Variants in KIRREL3 observed in about 807,000 individuals in gnomAD.
KIRREL3 encodes kirre like nephrin family adhesion molecule 3.
KIRREL3 carries 36 observed loss-of-function variants against 89.7 expected under a neutral mutation model. The ratio of observed to expected loss-of-function variants is 0.40; its 90% CI spans 0.31 to 0.53. The LOEUF is 0.53. Among genes scored for constraint, KIRREL3 ranks in the 20% least tolerant of loss-of-function variants. The pLI is 0.49. For missense variants in KIRREL3, 864 were observed against 1,056.6 expected (o/e 0.82, Z 2.53); for synonymous variants, 445 against 441.4 (o/e 1.01, Z -0.10).
rs113665628 is a variant in KIRREL3 at position 126,822,940 on chromosome 11, C to G, written c.55+177515G>C. 8.2e-3 allele frequency among the ~76,000 whole-genome samples: 1,252 copies of G among 152,262 alleles called. 6 individuals are homozygous for G. The highest frequency in any genetic ancestry group is 0.028 in the African/African-American group (1,158 of 41,534). On this transcript the variant is annotated intron_variant, in intron 1 of 16. Transcript: ENST00000525144. ...CTATAGGTCAAAGCAGTCAGGTATA[C>G]CATATGGATTCAATGGGATCCAATG...
At position 126,727,477 on chromosome 11, in the gene KIRREL3, G is replaced by A. The variant is rs114387115; in HGVS notation, c.56-164565C>T. ...GCTTAGGCTGAATCTCAACTTGGAG[G>A]ACTTGGTGTCCATGGTAAGTCTGGA... On this transcript the variant is annotated intron_variant, in intron 1 of 16. Coordinates refer to ENST00000525144, the MANE Select transcript of KIRREL3 (RefSeq NM_032531.4). 2.6e-3 allele frequency among the ~76,000 whole-genome samples: 395 copies of A among 152,368 alleles called. 2 individuals carry two copies. Among genetic ancestry groups the A allele is most frequent in the African/African-American group, 9.0e-3 (374 of 41,590 alleles).
At chr11:126,971,462 G>T (rs1295226599) in intron 1 of KIRREL3, among the ~76,000 whole-genome samples, 2 of 152,284 alleles carry the variant, frequency 1.3e-5, no homozygotes, top group East Asian at 1.9e-4. Context: ...TCTGTTCGGG[G>T]TGTTGTCTTC....
Position 126,954,179 on chromosome 11 carries a change from T to C in KIRREL3, c.55+46276A>G, listed in dbSNP as rs148229364. 8.4e-4 allele frequency among the ~76,000 whole-genome samples: 128 copies of C among 151,882 alleles called. No homozygotes were observed. The highest frequency in any genetic ancestry group is 4.1e-3 in the Admixed American group (62 of 15,236). ...ATTGAGGTATTGAGGTCATCACTTA[T>C]AGGTAAGTACTGGAGGATGTAGCGT... On this transcript the variant is annotated intron_variant, in intron 1 of 16. Transcript: ENST00000525144. The surrounding 1 kb of genome is among the most constrained non-coding windows in gnomAD (Gnocchi z 4.1).
intron 1 of KIRREL3, among the ~76,000 whole-genome samples, chr11:126,663,300 C>T (rs1030603154): frequency 6.7e-6 from 1 of 149,818 alleles, no homozygotes; most frequent in African/African-American, 2.5e-5. Context: ...ATTCTCCTGC[C>T]TCAGCCTCCT....
chr11:126,445,126 A>T (rs369504725), intron 9 of KIRREL3, 21 bp from the exon 10 acceptor site: 3 of 1,612,814 alleles, frequency 1.9e-6, no homozygotes, highest in Non-Finnish European at 2.5e-6. Flanking sequence ...TGGCAGGCTC[A>T]GATGCCAAGA....
rs1031662175 is a variant in KIRREL3 at position 126,639,216 on chromosome 11, A to G, written c.56-76304T>C. Among the ~76,000 whole-genome samples the G allele has an allele frequency of 2.0e-5, 3 of 152,204 alleles. No homozygotes were observed. Among genetic ancestry groups the G allele is most frequent in the African/African-American group, 7.2e-5 (3 of 41,444 alleles). On this transcript the variant is annotated intron_variant, in intron 1 of 16. Transcript: ENST00000525144. This position sits in a 1 kb window ranked among gnomAD's most constrained non-coding sequence, Gnocchi z 4.3. ...ACCTGTCAGATGAGATTTGCCTTCAAAGGCCACTGGCTCTGACCTTTTGAT... is the reference window on the plus strand; with the variant it reads ...ACCTGTCAGATGAGATTTGCCTTCAGAGGCCACTGGCTCTGACCTTTTGAT...
chr11:126,777,908 T>G (rs1247823921), intron 1 of KIRREL3, among the ~76,000 whole-genome samples: 2 of 152,176 alleles, frequency 1.3e-5, no homozygotes, highest in Non-Finnish European at 2.9e-5. Context: ...ATAGAAATAC[T>G]GAGTCCATTG....
At position 126,449,148 on chromosome 11, in the gene KIRREL3, C is replaced by T; in HGVS notation, c.858G>A (p.Lys286=). 6.2e-7 allele frequency: 1 copy of T among 1,613,890 alleles called. No homozygotes were observed. The highest frequency in any genetic ancestry group is 1.1e-5 in the South Asian group (1 of 91,080). ...NPAVTQYRWA[K]RGQIIKEASG... is the part of the protein sequence containing the mutation. ...ATGCCTCCTTGATGATCTGGCCCCGCTTGGCCCACCTGCAACAAAGGCCAG... is the reference window on the plus strand; with the variant it reads ...ATGCCTCCTTGATGATCTGGCCCCGTTTGGCCCACCTGCAACAAAGGCCAG... Residue 286 remains lysine (K), a synonymous_variant, in exon 8 of 17, where the codon AAG becomes AAA. Coordinates refer to ENST00000525144, the MANE Select transcript of KIRREL3 (RefSeq NM_032531.4).
rs534680233 is a variant in KIRREL3, at chr11:126,771,168, C to T, written c.56-208256G>A. 6.6e-6 allele frequency among the ~76,000 whole-genome samples: 1 copy of T among 152,096 alleles called. No homozygotes were observed. Among genetic ancestry groups the T allele is most frequent in the Non-Finnish European group, 1.5e-5 (1 of 68,024 alleles). ...ATCATTTATTAAAGAGTGTTGTATA[C>T]CAAGTCTTGTGTTAGCTGCTTTTAC... On this transcript the variant is annotated intron_variant, in intron 1 of 16. Transcript: ENST00000525144. The surrounding 1 kb of genome is among the most constrained non-coding windows in gnomAD (Gnocchi z 4.4).
chr11:126,712,373 GGCAGGGCC>G (rs1375729630), intron 1 of KIRREL3, among the ~76,000 whole-genome samples: 2 of 152,160 alleles, frequency 1.3e-5, no homozygotes, highest in East Asian at 3.9e-4. Context: ...GGCAGGGTCT[GGCAGGGCC>G]GAGCCCCTCA....
chr11:126,510,558 A>C (rs563368485), intron 4 of KIRREL3, among the ~76,000 whole-genome samples: 1 of 151,478 alleles, frequency 6.6e-6, no homozygotes, highest in Non-Finnish European at 1.5e-5. Flanking sequence ...CAGCCTCTCA[A>C]AGTGCTGGGA....
chr11:126,506,158 G>A (rs1461050846), intron 4 of KIRREL3, among the ~76,000 whole-genome samples: 1 of 152,122 alleles, frequency 6.6e-6, no homozygotes, highest in Non-Finnish European at 1.5e-5. Flanking sequence ...TAAAACTTAT[G>A]GGAGAAAATA....
intron 4 of KIRREL3, among the ~76,000 whole-genome samples, chr11:126,479,957 G>A (rs1398247449): frequency 6.6e-6 from 1 of 152,176 alleles, no homozygotes; most frequent in Non-Finnish European, 1.5e-5. Flanking sequence ...CAAGTGTATA[G>A]GGCTTCTGTC....
chr11:126,588,979 T>C (rs545868967), intron 1 of KIRREL3, among the ~76,000 whole-genome samples: 1 of 152,254 alleles, frequency 6.6e-6, no homozygotes, highest in South Asian at 2.1e-4. Flanking sequence ...ATTTGGGCCG[T>C]GAAGCCTGGC....
In KIRREL3 at chr11:126,742,570, G is replaced by A. The variant is rs533793918; in HGVS notation, c.56-179658C>T. 6.6e-6 allele frequency among the ~76,000 whole-genome samples: 1 copy of A among 152,256 alleles called. No homozygotes were observed. The highest frequency in any genetic ancestry group is 2.4e-5 in the African/African-American group (1 of 41,538). ...TTCCCATAAAGCTCCCCTCACCATG[G>A]GCATGAGGAAACCAAGGTTCAGAGA... On this transcript the variant is annotated intron_variant, in intron 1 of 16. Coordinates refer to ENST00000525144, the MANE Select transcript of KIRREL3 (RefSeq NM_032531.4). This position sits in a 1 kb window ranked among gnomAD's most constrained non-coding sequence, Gnocchi z 5.3.
rs1565423311 is a variant in KIRREL3 at position 126,923,198 on chromosome 11, CTTCTTCTTCTTCT to C, written c.55+77244_55+77256del. Among the ~76,000 whole-genome samples, 56 of 7,198 alleles carry C rather than the reference CTTCTTCTTCTTCT, an allele frequency of 7.8e-3. 6 individuals are homozygous for C. Among genetic ancestry groups the C allele is most frequent in the East Asian group, 0.023 (12 of 518 alleles). 4.7% of individuals were successfully genotyped at this position (7,198 alleles called of 152,430 possible). A position where few individuals can be genotyped will look rare whatever the true frequency, so the allele number is the denominator to read the frequency against. ...CTTCTCTTCTTCTTCTCTTCTTCTT[CTTCTTCTTCTTCT>C]TCTTCTTCTTCTTCTTCTTCTTCTT... is the stretch of plus-strand genomic sequence containing the variant. On this transcript the variant is annotated intron_variant, in intron 1 of 16. Transcript: ENST00000525144.
At chr11:126,774,288 A>G (rs2134308099) in intron 1 of KIRREL3, among the ~76,000 whole-genome samples, 1 of 151,842 alleles carries the variant, frequency 6.6e-6, no homozygotes, top group South Asian at 2.1e-4. Context: ...GAAACCCCTC[A>G]TTGCCGAAGA....
At chr11:126,638,592 C>T (rs1035900965) in intron 1 of KIRREL3, among the ~76,000 whole-genome samples, 2 of 152,186 alleles carry the variant, frequency 1.3e-5, no homozygotes, top group Non-Finnish European at 1.5e-5. Flanking sequence ...TTGCCTTAGG[C>T]GGGCTGGGGT....
At chr11:126,878,684 TG>T in intron 1 of KIRREL3, among the ~76,000 whole-genome samples, 1 of 152,114 alleles carries the variant, frequency 6.6e-6, no homozygotes, top group East Asian at 1.9e-4. Context: ...CCTAGTAATT[TG>T]AGGCACAGAT....
Sources: gnomAD v4.1 joint callset for allele counts (sites outside exome capture counted in the v4.1 genomes callset) on GRCh38, gnomAD v4.1.1 for gene constraint, Gnocchi (gnomAD v3.1) non-coding constraint, MANE v1.5 for transcripts, NCBI Gene and HGNC (gene_info 2026-07-23, HGNC 2026-07-21) for gene names.